ASTN2: variants seen among roughly 807,000 people sequenced by gnomAD.
ASTN2 encodes astrotactin 2.
Under a neutral mutation model 139.8 loss-of-function variants are expected in ASTN2, and 54 were observed. The observed-to-expected ratio is 0.39, with a 90% CI of 0.31 to 0.48. The LOEUF (loss-of-function observed/expected upper bound fraction) is 0.48, where lower values mean the gene tolerates loss of function less well. Among genes scored for constraint, ASTN2 ranks in the 20% least tolerant of loss-of-function variants. The pLI is 0.95. For missense variants in ASTN2, 1,565 were observed against 1,725.1 expected, an observed-to-expected ratio of 0.91 and a Z score of 1.64; for synonymous variants, 756 against 719.5, an observed-to-expected ratio of 1.05 and a Z score of -0.81.
At chr9:117,247,803 C>T (rs924362039) in intron 2 of ASTN2, among the ~76,000 whole-genome samples, 1 of 152,194 alleles carries the variant, frequency 6.6e-6, no homozygotes, top group Non-Finnish European at 1.5e-5. Context: ...GCTCCTTTTC[C>T]TAGAGGTGCT....
At chr9:117,181,080 TC>T in intron 3 of ASTN2, 1 of 1,226,614 alleles carries the variant, frequency 8.2e-7, no homozygotes, top group Non-Finnish European at 1.2e-6. Context: ...GTTTCCATGG[TC>T]CCTTAAAGCA....
chr9:117,132,714 G>A (rs1158017107), intron 4 of ASTN2, among the ~76,000 whole-genome samples: 2 of 152,124 alleles, frequency 1.3e-5, no homozygotes, highest in Non-Finnish European at 2.9e-5. Context: ...GGGTCACCGG[G>A]TTGGTGGTGG....
intron 5 of ASTN2, among the ~76,000 whole-genome samples, chr9:117,080,909 C>CTT (rs1319009656): frequency 6.6e-6 from 1 of 152,128 alleles, no homozygotes; most frequent in African/African-American, 2.4e-5. Context: ...AATTTCAGAG[C>CTT]TTTAAGAGGC....
At chr9:116,450,771 C>T (rs1848150313) in intron 20 of ASTN2, among the ~76,000 whole-genome samples, 2 of 152,318 alleles carry the variant, frequency 1.3e-5, no homozygotes, top group Middle Eastern at 6.8e-3. Context: ...CACATGCAGC[C>T]ACCCACCCTC....
At chr9:116,430,792 G>A (rs762829280) in intron 22 of ASTN2, among the ~76,000 whole-genome samples, 2 of 152,258 alleles carry the variant, frequency 1.3e-5, no homozygotes, top group Admixed American at 1.3e-4. Flanking sequence ...ATGGAGAGAA[G>A]GGTTGGAGGT....
intron 2 of ASTN2, among the ~76,000 whole-genome samples, chr9:117,247,836 G>C (rs1315889815): frequency 6.6e-6 from 1 of 152,196 alleles, no homozygotes; most frequent in Admixed American, 6.5e-5. Context: ...CATGGCACTG[G>C]GGTGCAGCAG....
chr9:117,037,392 A>T (rs1474739901), intron 6 of ASTN2, among the ~76,000 whole-genome samples: 1 of 152,186 alleles, frequency 6.6e-6, no homozygotes, highest in Non-Finnish European at 1.5e-5. Context: ...TGAAAATCTG[A>T]TGACCATGAT....
At chr9:116,756,383 T>C (rs1021668210) in intron 13 of ASTN2, among the ~76,000 whole-genome samples, 1 of 152,172 alleles carries the variant, frequency 6.6e-6, no homozygotes, top group Non-Finnish European at 1.5e-5. Flanking sequence ...ATCAACCTTC[T>C]AAGGTTGTTG....
At chr9:117,144,992 T>TTAA (rs555816256) in intron 3 of ASTN2, among the ~76,000 whole-genome samples, 13 of 151,204 alleles carry the variant, frequency 8.6e-5, no homozygotes, top group African/African-American at 3.2e-4. Flanking sequence ...TCTTTTTTTT[T>TTAA]AAAAACTTTT....
At chr9:116,836,587 T>C (rs1427971349) in intron 11 of ASTN2, among the ~76,000 whole-genome samples, 2 of 151,950 alleles carry the variant, frequency 1.3e-5, no homozygotes, top group African/African-American at 4.8e-5. Flanking sequence ...TTTTGTTTTG[T>C]TTTGTTTTGT....
intron 19 of ASTN2, among the ~76,000 whole-genome samples, chr9:116,499,110 C>T (rs1849769015): frequency 6.6e-6 from 1 of 152,124 alleles, no homozygotes; most frequent in South Asian, 2.1e-4. Context: ...TCAGTTATGC[C>T]CCACCAGAGA....
chr9:116,701,527 T>C (rs559242426), intron 16 of ASTN2, among the ~76,000 whole-genome samples: 1 of 152,324 alleles, frequency 6.6e-6, no homozygotes, highest in South Asian at 2.1e-4. Flanking sequence ...GGCTCAGGCC[T>C]TTGGCACACA....
intron 3 of ASTN2, among the ~76,000 whole-genome samples, chr9:117,160,407 C>A (rs1489945210): frequency 1.1e-5 from 1 of 93,716 alleles, no homozygotes; most frequent in Non-Finnish European, 2.4e-5. Flanking sequence ...CAGGACCAAT[C>A]TCCCTAAAAA....
At chr9:117,105,872 T>C (rs1829090224) in intron 4 of ASTN2, among the ~76,000 whole-genome samples, 1 of 152,192 alleles carries the variant, frequency 6.6e-6, no homozygotes, top group Non-Finnish European at 1.5e-5. Flanking sequence ...GCAGCTCATT[T>C]GACATTCACA....
intron 2 of ASTN2, among the ~76,000 whole-genome samples, chr9:117,238,550 G>A (rs985291921): frequency 3.9e-5 from 6 of 152,192 alleles, no homozygotes; most frequent in Admixed American, 2.6e-4. Context: ...CAGGCTATGG[G>A]TGAATCTCCT....
At chr9:117,247,819 C>G (rs1406949329) in intron 2 of ASTN2, among the ~76,000 whole-genome samples, 1 of 152,188 alleles carries the variant, frequency 6.6e-6, no homozygotes, top group Non-Finnish European at 1.5e-5. Context: ...GTGCTGGGCA[C>G]CTGGCACATG....
chr9:117,167,747 A>G (rs1420840094), intron 3 of ASTN2, among the ~76,000 whole-genome samples: 1 of 152,178 alleles, frequency 6.6e-6, no homozygotes, highest in Non-Finnish European at 1.5e-5. Context: ...ACAGAAGTAG[A>G]GAGAGACATC....
intron 13 of ASTN2, among the ~76,000 whole-genome samples, chr9:116,758,673 A>G (rs190239863): frequency 2.1e-3 from 324 of 152,252 alleles, no homozygotes; most frequent in African/African-American, 7.6e-3. Flanking sequence ...ATTCACACAT[A>G]GGCACTGTAT....
intron 2 of ASTN2, among the ~76,000 whole-genome samples, chr9:117,262,908 G>C (rs1833858994): frequency 6.6e-6 from 1 of 152,130 alleles, no homozygotes; most frequent in Non-Finnish European, 1.5e-5. Context: ...GGGGCCATGA[G>C]CCAAGGAATA....
Sources: gnomAD v4.1 joint callset for allele counts (sites outside exome capture counted in the v4.1 genomes callset) on GRCh38, gnomAD v4.1.1 for gene constraint, MANE v1.5 for transcripts, NCBI Gene and HGNC (gene_info 2026-07-23, HGNC 2026-07-21) for gene names.